RRP7A: variants seen among roughly 807,000 people sequenced by gnomAD.
RRP7A encodes the protein ribosomal RNA-processing protein 7 homolog A.
A neutral mutation model predicts 38.4 loss-of-function variants in RRP7A; 27 were observed. That is an observed-to-expected ratio of 0.70 (90% CI 0.52 to 0.97). The LOEUF is 0.97. Among genes scored for constraint, RRP7A ranks in the 50% least tolerant of loss-of-function variants. The pLI is 0.00. For synonymous variants in RRP7A, 124 were observed against 150.3 expected (o/e 0.83, Z 1.28); for missense variants, 327 against 375.4 (o/e 0.87, Z 1.07).
chr22:42,515,899 A>C, intron 3 of RRP7A, 112 bp downstream of exon 3: 1 of 1,342,764 alleles, frequency 7.4e-7, no homozygotes, highest in Admixed American at 2.3e-5. Flanking sequence ...CACGGTGAGG[A>C]TGGGCTCAGG....
At position 42,512,670 on chromosome 22, in the gene RRP7A, C is replaced by G; in HGVS notation, c.*240G>C. 1 of 598,226 alleles carries G rather than the reference C, an allele frequency of 1.7e-6. No individual in the cohort carries two copies. Among genetic ancestry groups the G allele is most frequent in the South Asian group, 2.0e-5 (1 of 51,076 alleles). The allele number at this position is 598,226 out of a possible 1,614,324, so 37.1% of individuals were successfully genotyped here. A position where few individuals can be genotyped will look rare whatever the true frequency, so the allele number is the denominator to read the frequency against. ...GAGAGGAGGGTGTGGAGGCAAGAAG[C>G]AGGAAGGACAAGTCCTCCTCTCGGC... On this transcript the variant is annotated 3_prime_UTR_variant, in exon 7 of 7. Coordinates refer to ENST00000323013, the MANE Select transcript of RRP7A (RefSeq NM_015703.5).
chr22:42,512,327 T>C lies in RRP7A; in HGVS notation c.*583A>G, dbSNP rs1246018385. ...AGCCCCACAACAAGGCCAGGGATGG[T>C]GGGGACAGGCCTCACTAGTCTTGAG... On this transcript the variant is annotated 3_prime_UTR_variant, in exon 7 of 7. Transcript: ENST00000323013. The C allele has an allele frequency of 5.2e-6, 6 of 1,158,166 alleles. No homozygotes were observed. In the African/African-American group the frequency reaches 9.0e-5, roughly 17 times the overall value. The allele number at this position is 1,158,166 out of a possible 1,614,324, so 71.7% of individuals were successfully genotyped here. A position where few individuals can be genotyped will look rare whatever the true frequency, so the allele number is the denominator to read the frequency against.
At chr22:42,518,654 G>C (rs1447027436) in intron 1 of RRP7A, 1 of 470,442 alleles carries the variant, frequency 2.1e-6, no homozygotes, top group African/African-American at 2.0e-5. Flanking sequence ...GAGAGCCTTA[G>C]CATCACCTCC....
intron 2 of RRP7A, among the ~76,000 whole-genome samples, chr22:42,517,600 A>G (rs1314086668): frequency 6.6e-6 from 1 of 151,998 alleles, no homozygotes; most frequent in Non-Finnish European, 1.5e-5. Context: ...GCTCACTGCA[A>G]CCTACACCTC....
At chr22:42,518,757 G>A (rs1444001440) in intron 1 of RRP7A, 3 of 470,756 alleles carry the variant, frequency 6.4e-6, no homozygotes, top group South Asian at 4.6e-5. Flanking sequence ...TTGGTTAATC[G>A]CTGGCACACC....
rs984416183 is a variant in RRP7A, at chr22:42,519,585, G to T, written c.73+129C>A. 8 of 772,520 alleles carry T rather than the reference G, an allele frequency of 1.0e-5. No individual in the cohort carries two copies. In the East Asian group the frequency reaches 2.7e-4, roughly 26 times the overall value. The allele number at this position is 772,520 out of a possible 1,614,324, so 47.9% of individuals were successfully genotyped here. A position where few individuals can be genotyped will look rare whatever the true frequency, so the allele number is the denominator to read the frequency against. ...GGAGCCTCAAGACCTGCGGAGCCTGGGGCCACGGGCCACCGGGGCTCACAC... is the reference window on the plus strand; with the variant it reads ...GGAGCCTCAAGACCTGCGGAGCCTGTGGCCACGGGCCACCGGGGCTCACAC... On this transcript the variant is annotated intron_variant, in intron 1 of 6. Coordinates refer to ENST00000323013, the MANE Select transcript of RRP7A (RefSeq NM_015703.5).
intron 1 of RRP7A, among the ~76,000 whole-genome samples, 195 bp downstream of exon 1, chr22:42,519,519 G>A (rs942921278): frequency 1.3e-5 from 2 of 152,144 alleles, no homozygotes; most frequent in Non-Finnish European, 2.9e-5. Flanking sequence ...CCCCGGGAGA[G>A]TGAGCAGGCA....
intron 6 of RRP7A, among the ~76,000 whole-genome samples, chr22:42,513,396 G>A (rs1920922794): frequency 9.1e-6 from 1 of 109,832 alleles, no homozygotes; most frequent in African/African-American, 3.3e-5. Flanking sequence ...CCTGGTCAGT[G>A]GGAGGCTGAT....
chr22:42,511,986 G>A lies in RRP7A; in HGVS notation c.*924C>T, dbSNP rs1490929028. 2 of 704,356 alleles carry A rather than the reference G, an allele frequency of 2.8e-6. No homozygotes were observed. Among genetic ancestry groups the A allele is most frequent in the East Asian group, 4.9e-5 (2 of 40,486 alleles). The allele number at this position is 704,356 out of a possible 1,614,324, so 43.6% of individuals were successfully genotyped here. A position where few individuals can be genotyped will look rare whatever the true frequency, so the allele number is the denominator to read the frequency against. On this transcript the variant is annotated 3_prime_UTR_variant, in exon 7 of 7. Transcript: ENST00000323013. ...GGGCTCCAAGGAGCCGAGTGTGGGG[G>A]AAACTCACTGTGGGAGGCGCTCCTG...
chr22:42,509,732 C>T lies in RRP7A; in HGVS notation c.*3178G>A, dbSNP rs985753278. Among the ~76,000 whole-genome samples the T allele has an allele frequency of 2.6e-5, 4 of 151,028 alleles. No homozygotes were observed. The highest frequency in any genetic ancestry group is 6.7e-5 in the Admixed American group (1 of 14,948). On this transcript the variant is annotated 3_prime_UTR_variant, in exon 7 of 7. Coordinates refer to ENST00000323013, the MANE Select transcript of RRP7A (RefSeq NM_015703.5). Reference sequence around the variant, plus strand: ...CGCACTAAGTGGATGAAGTCAGACACAACCGTCTACGTGTTGTATGGCTGC... The same window carrying T: ...CGCACTAAGTGGATGAAGTCAGACATAACCGTCTACGTGTTGTATGGCTGC...
rs1920942896 is a variant in RRP7A at position 42,519,640 on chromosome 22, C to G, written c.73+74G>C. On this transcript the variant is annotated intron_variant, in intron 1 of 6. Coordinates refer to ENST00000323013, the MANE Select transcript of RRP7A (RefSeq NM_015703.5). ...CCGTGCGGCCGCTCCTGGGGACCCC[C>G]GGCCGTCGCCAACCCCCAAACACCT... 5 of 1,266,608 alleles carry G rather than the reference C, an allele frequency of 3.9e-6. No homozygotes were observed. The South Asian group carries it at 9.0e-5, about 23-fold the overall frequency. The allele number at this position is 1,266,608 out of a possible 1,614,324, so 78.5% of individuals were successfully genotyped here. A position where few individuals can be genotyped will look rare whatever the true frequency, so the allele number is the denominator to read the frequency against.
chr22:42,517,434 A>G (rs1920933545), intron 2 of RRP7A, among the ~76,000 whole-genome samples: 1 of 151,598 alleles, frequency 6.6e-6, no homozygotes, highest in African/African-American at 2.4e-5. Flanking sequence ...CTTTTAAATT[A>G]TGGACATGTA....
In RRP7A at chr22:42,518,067, T is replaced by C; in HGVS notation, c.154A>G (p.Lys52Glu). 6.2e-7 allele frequency: 1 copy of C among 1,614,134 alleles called. No individual in the cohort carries two copies. The highest frequency in any genetic ancestry group is 8.5e-7 in the Non-Finnish European group (1 of 1,179,992). ...VRAHGVRQGT[K>E]STWPQKRTLF... is the part of the protein sequence containing the mutation. ...GTCCTCTTCTGAGGCCAGGTGGACTTGGTGCCTTGTCGAACGCCGTGTGCT... is the reference window on the plus strand; with the variant it reads ...GTCCTCTTCTGAGGCCAGGTGGACTCGGTGCCTTGTCGAACGCCGTGTGCT... The change falls in exon 2 of 7, where the codon AAG becomes GAG. Residue 52 changes from lysine (K) to glutamate (E), a missense_variant. Lys to Glu is a moderately conservative substitution (Grantham distance 56). This residue lies in a region of RRP7A where 183 missense variants were observed against 141.8 expected (regional missense o/e 1.29). Coordinates refer to ENST00000323013, the MANE Select transcript of RRP7A (RefSeq NM_015703.5).
chr22:42,513,269 G>A (rs1313012949), intron 6 of RRP7A, among the ~76,000 whole-genome samples: 3 of 136,006 alleles, frequency 2.2e-5, no homozygotes, highest in Admixed American at 7.8e-5. Context: ...AAAGGTACCC[G>A]CCCCCACCCC....
In RRP7A at chr22:42,511,853, G is replaced by A. The variant is rs150061568; in HGVS notation, c.*1057C>T. ...TACAATCACAGCAACCCTGGCCTCG[G>A]CCCTGCCCTGTCCCTGCCATGCAAC... On this transcript the variant is annotated 3_prime_UTR_variant, in exon 7 of 7. Transcript: ENST00000323013. 4,831 of 524,836 alleles carry A rather than the reference G, an allele frequency of 9.2e-3. 2 individuals carry two copies. Among genetic ancestry groups the A allele is most frequent in the Non-Finnish European group, 0.011 (3,074 of 286,722 alleles). The allele number at this position is 524,836 out of a possible 1,614,324, so 32.5% of individuals were successfully genotyped here.
chr22:42,519,339 C>T (rs1601809293), intron 1 of RRP7A, among the ~76,000 whole-genome samples: 1 of 151,712 alleles, frequency 6.6e-6, no homozygotes, highest in East Asian at 1.9e-4. Flanking sequence ...AGTAGGAGGG[C>T]CTATAACAGC....
At chr22:42,515,063 C>T in intron 4 of RRP7A, 88 bp downstream of exon 4, 1 of 632,658 alleles carries the variant, frequency 1.6e-6, no homozygotes, top group Non-Finnish European at 2.8e-6. Flanking sequence ...ATGGACTTGG[C>T]TTGTGACATT....
chr22:42,514,372 C>T, intron 5 of RRP7A, 68 bp from the exon 6 acceptor site: 3 of 1,178,078 alleles, frequency 2.5e-6, no homozygotes, highest in Admixed American at 2.4e-5. Flanking sequence ...CCCTCCACGC[C>T]CTCCTCCCAA....
rs1157855316 is a variant in RRP7A at position 42,518,281 on chromosome 22, C to T, written c.74-134G>A. On this transcript the variant is annotated intron_variant, in intron 1 of 6. Coordinates refer to ENST00000323013, the MANE Select transcript of RRP7A (RefSeq NM_015703.5). ...ATCGATCCATCCATCCCTTCACCAA[C>T]CCCCCTTACCCTACTCTTTGGCAAA... The T allele has an allele frequency of 1.4e-5, 11 of 779,660 alleles. No homozygotes were observed. In the Admixed American group the frequency reaches 1.8e-4, roughly 13 times the overall value. The allele number at this position is 779,660 out of a possible 1,614,324, so 48.3% of individuals were successfully genotyped here.
Sources: gnomAD v4.1 joint callset for allele counts (sites outside exome capture counted in the v4.1 genomes callset) on GRCh38, gnomAD v4.1.1 for gene constraint, gnomAD v4.1.1 regional missense constraint, MANE v1.5 for transcripts, NCBI Gene and HGNC (gene_info 2026-07-23, HGNC 2026-07-21) for gene names.